Variants in BLK observed in about 807,000 individuals in gnomAD.
The protein encoded by BLK is tyrosine-protein kinase Blk.
In BLK, 64 loss-of-function variants were observed where a neutral mutation model predicts 61.8. The ratio of observed to expected loss-of-function variants is 1.03; its 90% CI spans 0.85 to 1.27. The LOEUF is 1.27. Among genes scored for constraint, BLK ranks in the 50% most tolerant of loss-of-function variants. The probability of loss-of-function intolerance (pLI) is 0.00; values close to 1 mark genes in which losing one functional copy is unlikely to be tolerated. For missense variants in BLK, 853 were observed against 660.5 expected, an observed-to-expected ratio of 1.29 and a Z score of -3.19; for synonymous variants, 351 against 272.0, an observed-to-expected ratio of 1.29 and a Z score of -2.86.
At chr8:11,515,746 C>G (rs889039455) in intron 1 of BLK, among the ~76,000 whole-genome samples, 1 of 152,212 alleles carries the variant, frequency 6.6e-6, no homozygotes, top group Non-Finnish European at 1.5e-5. Context: ...ATATGTGCTG[C>G]GCTGCATGCG....
At chr8:11,553,607 A>G (rs537535376) in intron 6 of BLK, 1 of 210,082 alleles carries the variant, frequency 4.8e-6, no homozygotes, top group Admixed American at 5.3e-5. Context: ...AAAGCCCTTG[A>G]TGAATGAACT....
At chr8:11,559,846 T>TG (rs571595801) in intron 10 of BLK, 39 of 456,196 alleles carry the variant, frequency 8.5e-5, no homozygotes, top group Admixed American at 7.3e-4. Flanking sequence ...AAGGTTTCCC[T>TG]GGACAAGAAA....
At chr8:11,530,665 A>G (rs1471258490) in intron 1 of BLK, among the ~76,000 whole-genome samples, 1 of 79,034 alleles carries the variant, frequency 1.3e-5, no homozygotes, top group Non-Finnish European at 2.8e-5. Flanking sequence ...TCAATTGTTA[A>G]AAGTTGTAAA....
In BLK at chr8:11,505,539, C is replaced by T. The variant is rs145894306; in HGVS notation, c.-2+10948C>T. Among the ~76,000 whole-genome samples the T allele has an allele frequency of 1.6e-4, 24 of 152,296 alleles. No individual in the cohort carries two copies. The East Asian group carries it at 4.6e-3, about 29-fold the overall frequency. Reference sequence around the variant, plus strand: ...CTTGTTCTCTCCTTTCTCCAATTTGCTCCCAAGCTCCATTGCTTTCGTTCA... The same window carrying T: ...CTTGTTCTCTCCTTTCTCCAATTTGTTCCCAAGCTCCATTGCTTTCGTTCA... On this transcript the variant is annotated intron_variant, in intron 1 of 12. Transcript: ENST00000259089.
chr8:11,559,915 T>C (rs1397179450), intron 10 of BLK: 1 of 446,094 alleles, frequency 2.2e-6, no homozygotes, highest in Non-Finnish European at 4.5e-6. Context: ...TCAGCAGATC[T>C]GGGCAGCTTC....
At chr8:11,513,404 C>T (rs1204814572) in intron 1 of BLK, among the ~76,000 whole-genome samples, 2 of 152,158 alleles carry the variant, frequency 1.3e-5, no homozygotes, top group African/African-American at 2.4e-5. Context: ...CTGATGGAGC[C>T]CTGTGTTACC....
intron 1 of BLK, among the ~76,000 whole-genome samples, chr8:11,536,294 C>T (rs2248696): frequency 0.57 from 86,814 of 152,080 alleles, 25,688 homozygotes; most frequent in Non-Finnish European, 0.65. Flanking sequence ...GGAAATAAAA[C>T]GATATGATGT....
chr8:11,500,208 G>A (rs187895671), intron 1 of BLK, among the ~76,000 whole-genome samples: 124 of 152,162 alleles, frequency 8.1e-4, no homozygotes, highest in Admixed American at 2.2e-3. Flanking sequence ...TGTTGTTGTT[G>A]TTTGAGACAA....
intron 1 of BLK, among the ~76,000 whole-genome samples, chr8:11,541,013 C>T (rs1800354708): frequency 6.6e-6 from 1 of 152,208 alleles, no homozygotes; most frequent in Non-Finnish European, 1.5e-5. Flanking sequence ...CACCTGCAAT[C>T]CCAGTACTTT....
chr8:11,496,106 C>G (rs1296587465), intron 1 of BLK, among the ~76,000 whole-genome samples: 2 of 152,186 alleles, frequency 1.3e-5, no homozygotes, highest in Non-Finnish European at 2.9e-5. Context: ...TTTGACCATC[C>G]ATCATTCTCT....
chr8:11,563,414 G>A (rs1459673141), intron 12 of BLK, among the ~76,000 whole-genome samples: 1 of 152,248 alleles, frequency 6.6e-6, no homozygotes, highest in Non-Finnish European at 1.5e-5. Context: ...TTGAGGACAG[G>A]TTGTGCCTAC....
intron 3 of BLK, 141 bp from the exon 4 acceptor site, chr8:11,547,891 G>A (rs566897325): frequency 9.2e-6 from 7 of 760,634 alleles, no homozygotes; most frequent in African/African-American, 1.7e-5. Context: ...AGGGCTGGGG[G>A]TGGGGGCCTG....
At chr8:11,508,858 C>G (rs1473689486) in intron 1 of BLK, among the ~76,000 whole-genome samples, 2 of 152,166 alleles carry the variant, frequency 1.3e-5, no homozygotes, top group Admixed American at 1.3e-4. Context: ...CCAGAGGAGC[C>G]GTGGTGGAGG....
chr8:11,524,087 C>G (rs1799556779), intron 1 of BLK, among the ~76,000 whole-genome samples: 2 of 151,800 alleles, frequency 1.3e-5, no homozygotes, highest in Admixed American at 1.3e-4. Flanking sequence ...TTATAACAGC[C>G]AAAAGTTGAA....
chr8:11,563,547 C>T (rs2117610096), intron 12 of BLK, among the ~76,000 whole-genome samples: 1 of 152,304 alleles, frequency 6.6e-6, no homozygotes, highest in South Asian at 2.1e-4. Flanking sequence ...TGGGCAGGCT[C>T]CGGGTCACCT....
intron 1 of BLK, among the ~76,000 whole-genome samples, chr8:11,532,000 A>AG (rs1396933358): frequency 6.6e-6 from 1 of 152,060 alleles, no homozygotes; most frequent in African/African-American, 2.4e-5. Context: ...CTGTGATTAC[A>AG]GGCACCTGCC....
chr8:11,553,873 C>A (rs752050631), intron 6 of BLK, among the ~76,000 whole-genome samples: 7 of 152,158 alleles, frequency 4.6e-5, no homozygotes, highest in Admixed American at 3.3e-4. Flanking sequence ...TTAAGTCAAA[C>A]AGGACCGCGG....
chr8:11,552,293 G>C (rs1320882045), intron 6 of BLK, among the ~76,000 whole-genome samples: 1 of 152,234 alleles, frequency 6.6e-6, no homozygotes, highest in Non-Finnish European at 1.5e-5. Context: ...GGACCAGGTT[G>C]GGGAGCAGGA....
At chr8:11,505,759 G>C (rs1298301584) in intron 1 of BLK, among the ~76,000 whole-genome samples, 2 of 152,180 alleles carry the variant, frequency 1.3e-5, no homozygotes, top group Non-Finnish European at 2.9e-5. Flanking sequence ...GTCTCCCATT[G>C]AGGCCTCCAG....
Sources: allele counts gnomAD v4.1 joint callset (sites outside exome capture counted in the v4.1 genomes callset), GRCh38; gene constraint gnomAD v4.1.1; transcripts MANE v1.5; gene names NCBI Gene and HGNC (gene_info 2026-07-23, HGNC 2026-07-21).